SLIT3: variants seen among roughly 807,000 people sequenced by gnomAD.
SLIT3 encodes the protein slit guidance ligand 3.
A neutral mutation model predicts 184.0 loss-of-function variants in SLIT3; 68 were observed. The observed-to-expected ratio is 0.37, with a 90% CI of 0.30 to 0.45. The LOEUF (loss-of-function observed/expected upper bound fraction) is 0.45, where lower values mean the gene tolerates loss of function less well. SLIT3 is among the 20% of genes least tolerant of loss of function. SLIT3 has a pLI of 1.00. For synonymous variants in SLIT3, 831 were observed against 828.6 expected, an observed-to-expected ratio of 1.00 and a Z score of -0.05; for missense variants, 1,707 against 2,026.0, an observed-to-expected ratio of 0.84 and a Z score of 3.02.
At chr5:169,060,219 G>C (rs1758134031) in intron 4 of SLIT3, among the ~76,000 whole-genome samples, 1 of 152,186 alleles carries the variant, frequency 6.6e-6, no homozygotes, top group African/African-American at 2.4e-5. Context: ...GTGAAACCCT[G>C]TCTCTACTAA....
At chr5:169,160,718 A>C (rs1360366739) in intron 4 of SLIT3, among the ~76,000 whole-genome samples, 1 of 152,096 alleles carries the variant, frequency 6.6e-6, no homozygotes, top group Non-Finnish European at 1.5e-5. Context: ...CTGGGCACTG[A>C]GCTCGTTTAC....
chr5:169,228,904 T>TTA (rs1272730099), intron 3 of SLIT3, among the ~76,000 whole-genome samples: 1 of 152,246 alleles, frequency 6.6e-6, no homozygotes, highest in Non-Finnish European at 1.5e-5. Context: ...AATCATGAAT[T>TTA]TATAGTACAT....
intron 8 of SLIT3, among the ~76,000 whole-genome samples, chr5:168,814,482 G>T (rs1663698962): frequency 1.3e-5 from 2 of 152,164 alleles, no homozygotes; most frequent in Non-Finnish European, 2.9e-5. Context: ...ATGCCTTGTG[G>T]GGCTCAGGCA....
intron 4 of SLIT3, among the ~76,000 whole-genome samples, chr5:169,192,423 CTGTGTGTGTGTG>C (rs3038088): frequency 1.6e-4 from 24 of 148,170 alleles, no homozygotes; most frequent in Non-Finnish European, 2.7e-4. Flanking sequence ...TATATAGTCT[CTGTGTGTGTGTG>C]TGTGTGTGTG....
At chr5:169,091,573 A>T (rs947774815) in intron 4 of SLIT3, among the ~76,000 whole-genome samples, 1 of 152,224 alleles carries the variant, frequency 6.6e-6, no homozygotes, top group African/African-American at 2.4e-5. Flanking sequence ...ACGAAAGGAT[A>T]AGCTACCTTG....
chr5:168,774,539 T>C (rs1285012325), intron 12 of SLIT3, among the ~76,000 whole-genome samples, 161 bp from the exon 13 acceptor site: 3 of 152,168 alleles, frequency 2.0e-5, no homozygotes, highest in Non-Finnish European at 2.9e-5. Flanking sequence ...TGCCTTCCTG[T>C]GTCTACCGAA....
At chr5:169,192,740 G>A (rs1763597793) in intron 4 of SLIT3, among the ~76,000 whole-genome samples, 2 of 152,126 alleles carry the variant, frequency 1.3e-5, no homozygotes, top group Admixed American at 1.3e-4. Context: ...AGGCAATTCA[G>A]TACACCCCAT....
At chr5:169,250,605 CA>C (rs1765739942) in intron 2 of SLIT3, among the ~76,000 whole-genome samples, 1 of 152,214 alleles carries the variant, frequency 6.6e-6, no homozygotes, top group African/African-American at 2.4e-5. Context: ...CTTTAGCTGT[CA>C]CTTCTAGTAA....
intron 4 of SLIT3, among the ~76,000 whole-genome samples, chr5:168,968,163 T>A (rs533767739): frequency 1.3e-5 from 2 of 152,316 alleles, no homozygotes; most frequent in East Asian, 3.9e-4. Flanking sequence ...CCCCCTCTGC[T>A]TTCCCGGGTC....
chr5:169,137,337 G>A (rs569510142), intron 4 of SLIT3, among the ~76,000 whole-genome samples: 1 of 128,254 alleles, frequency 7.8e-6, no homozygotes, highest in Non-Finnish European at 1.5e-5. Flanking sequence ...CACACACACA[G>A]AGAGAGAGAG....
rs1754769390 is a variant in SLIT3 at position 168,753,022 on chromosome 5, G to A, written c.1906C>T (p.Leu636Phe). The A allele has an allele frequency of 6.2e-7, 1 of 1,613,952 alleles. No homozygotes were observed. Residue 636 changes from leucine to phenylalanine, a missense_variant, in exon 18 of 36, where the codon CTC (leucine) becomes TTC (phenylalanine). Leu to Phe is a conservative substitution (Grantham distance 22). Transcript: ENST00000519560. ...AGLSSVRLLS[L>F]YDNRITTITP... ...ATGGTGGTGATCCGATTGTCATAGA[G>A]GGACAGCAGTCTCACCGAACTCAGG...
At chr5:168,935,330 A>C (rs1041555659) in intron 4 of SLIT3, among the ~76,000 whole-genome samples, 3 of 151,988 alleles carry the variant, frequency 2.0e-5, no homozygotes, top group African/African-American at 7.3e-5. Flanking sequence ...GAACCACTAC[A>C]CTGTGCATTG....
intron 16 of SLIT3, among the ~76,000 whole-genome samples, chr5:168,755,825 GA>G (rs1754927156): frequency 6.6e-6 from 1 of 152,168 alleles, no homozygotes; most frequent in African/African-American, 2.4e-5. Flanking sequence ...GACCTCAAGA[GA>G]GATCAGAACA....
chr5:168,755,250 A>G (rs1225651406), intron 16 of SLIT3, among the ~76,000 whole-genome samples: 3 of 152,124 alleles, frequency 2.0e-5, no homozygotes, highest in Non-Finnish European at 4.4e-5. Context: ...TGGCATATCA[A>G]ATGTACTCCA....
At chr5:168,949,091 T>G (rs1244406429) in intron 4 of SLIT3, among the ~76,000 whole-genome samples, 5 of 152,180 alleles carry the variant, frequency 3.3e-5, no homozygotes, top group African/African-American at 7.2e-5. Context: ...GTATTTTTCA[T>G]GAGTGTGTCT....
At chr5:168,718,691 C>CAT in intron 23 of SLIT3, among the ~76,000 whole-genome samples, 1 of 127,028 alleles carries the variant, frequency 7.9e-6, no homozygotes, top group South Asian at 2.3e-4. Context: ...CACACACACA[C>CAT]ACACACACAC....
intron 4 of SLIT3, among the ~76,000 whole-genome samples, chr5:169,166,988 G>A (rs755497289): frequency 4.6e-5 from 7 of 152,054 alleles, no homozygotes; most frequent in African/African-American, 1.2e-4. Flanking sequence ...GCAAACTAAC[G>A]AGACCCCTCC....
intron 1 of SLIT3, among the ~76,000 whole-genome samples, chr5:169,285,199 G>A (rs1392122980): frequency 6.6e-6 from 1 of 152,192 alleles, no homozygotes; most frequent in African/African-American, 2.4e-5. Flanking sequence ...TTACAGGTGT[G>A]AGCCACTGCA....
intron 1 of SLIT3, chr5:169,263,803 G>T (rs540499905): frequency 2.4e-6 from 1 of 408,816 alleles, no homozygotes; most frequent in African/African-American, 2.2e-5. Context: ...ACTCATTTTG[G>T]TCTTTCATCA....
Sources: allele counts gnomAD v4.1 joint callset (sites outside exome capture counted in the v4.1 genomes callset), GRCh38; gene constraint gnomAD v4.1.1; transcripts MANE v1.5; gene names NCBI Gene and HGNC (gene_info 2026-07-23, HGNC 2026-07-21).